PSMD14: variants seen among roughly 807,000 people sequenced by gnomAD.
The protein encoded by PSMD14 is proteasome 26S subunit, non-ATPase 14.
A neutral mutation model predicts 41.2 loss-of-function variants in PSMD14; 7 were observed. The observed-to-expected ratio is 0.17, with a 90% confidence interval of 0.10 to 0.32. The LOEUF is 0.32. PSMD14 is among the 10% of genes least tolerant of loss of function. PSMD14 has a pLI of 1.00. For synonymous variants in PSMD14, 114 were observed against 122.3 expected (o/e 0.93, Z 0.45); for missense variants, 139 against 375.6 (o/e 0.37, Z 5.21).
In PSMD14 at chr2:161,370,173, G is replaced by A; in HGVS notation, c.307G>A (p.Gly103Arg). ...AATGTTGGATATGTTGAAGCAGACA[G>A]GAAGGTAAGCATTTTAAATGATCAG... ...AKMLDMLKQT[G>R]RPEMVVGWYH... The change falls in exon 6 of 12, where the codon GGA (glycine) becomes AGA (arginine). Residue 103 changes from glycine (G) to arginine (R), a missense_variant. Around this residue, in one of 4 missense-constraint regions of PSMD14, gnomAD observed 35 missense variants for 162.9 expected, o/e 0.21. Transcript: ENST00000409682. The A allele has an allele frequency of 6.4e-7, 1 of 1,573,824 alleles. No individual in the cohort carries two copies.
At chr2:161,309,212 A>T (rs1205695555) in intron 1 of PSMD14, among the ~76,000 whole-genome samples, 1 of 152,172 alleles carries the variant, frequency 6.6e-6, no homozygotes, top group Admixed American at 6.5e-5. Flanking sequence ...TTCTCGTTTT[A>T]AGTAAAGTAG....
chr2:161,368,015 T>C, intron 5 of PSMD14, 112 bp downstream of exon 5: 3 of 1,252,812 alleles, frequency 2.4e-6, no homozygotes, highest in Non-Finnish European at 3.2e-6. Context: ...GTAGGAAAAA[T>C]TAATCATAAG....
At chr2:161,331,372 C>T (rs1305692903) in intron 3 of PSMD14, among the ~76,000 whole-genome samples, 1 of 152,038 alleles carries the variant, frequency 6.6e-6, no homozygotes, top group African/African-American at 2.4e-5. Context: ...AAGCGGTTCT[C>T]CTGCCTCAGC....
intron 3 of PSMD14, among the ~76,000 whole-genome samples, chr2:161,331,242 A>G (rs1682784056): frequency 6.6e-6 from 1 of 151,234 alleles, no homozygotes. Context: ...TGTATAGACT[A>G]GATGATGTCT....
At chr2:161,359,457 T>A (rs1230849963) in intron 3 of PSMD14, among the ~76,000 whole-genome samples, 1 of 152,164 alleles carries the variant, frequency 6.6e-6, no homozygotes, top group Non-Finnish European at 1.5e-5. Flanking sequence ...TAACTTAGAT[T>A]TCCCACAGCT....
At chr2:161,334,737 T>C (rs1682842467) in intron 3 of PSMD14, among the ~76,000 whole-genome samples, 1 of 152,270 alleles carries the variant, frequency 6.6e-6, no homozygotes, top group African/African-American at 2.4e-5. Flanking sequence ...CTGATGTGTT[T>C]TCTTTTTTTG....
At chr2:161,393,303 A>G (rs1683740327) in intron 9 of PSMD14, among the ~76,000 whole-genome samples, 1 of 152,170 alleles carries the variant, frequency 6.6e-6, no homozygotes, top group Admixed American at 6.6e-5. Context: ...TTTCCCAAAC[A>G]TGTATTTTCT....
At position 161,395,950 on chromosome 2, in the gene PSMD14, C is replaced by G. The variant is rs1356728490; in HGVS notation, c.771+747C>G. On this transcript the variant is annotated intron_variant, in intron 10 of 11. Transcript: ENST00000409682. ...CAGCTACATTAGCATCACCTAGAAT[C>G]TTGTTAGAAATGCAGACTTTCAGAC... Among the ~76,000 whole-genome samples, 8 of 152,334 alleles carry G rather than the reference C, an allele frequency of 5.3e-5. No homozygotes were observed. In the East Asian group the frequency reaches 1.4e-3, roughly 26 times the overall value.
Position 161,316,311 on chromosome 2 carries a change from T to C in PSMD14, c.-137-126T>C, listed in dbSNP as rs190414888. On this transcript the variant is annotated intron_variant, in intron 1 of 11. Transcript: ENST00000409682. The stretch of plus-strand genomic sequence containing the variant: ...TCATTCTATACTCTCAGAAAAAGAT[T>C]ATTAAAAAACAGTTTTGATTTCTAC... The C allele has an allele frequency of 3.0e-4, 46 of 152,360 alleles. 1 individual carries two copies. The highest frequency in any genetic ancestry group is 1.1e-3 in the African/African-American group (44 of 41,596). The allele number at this position is 152,360 out of a possible 1,614,324, so 9.4% of individuals were successfully genotyped here.
At chr2:161,408,167 T>C (rs1683978531) in intron 10 of PSMD14, 1 of 152,132 alleles carries the variant, frequency 6.6e-6, no homozygotes, top group African/African-American at 2.4e-5. Flanking sequence ...TGGTTTTTAG[T>C]TCAGGTAATT....
At chr2:161,373,416 G>A (rs1380031944) in intron 7 of PSMD14, among the ~76,000 whole-genome samples, 1 of 151,724 alleles carries the variant, frequency 6.6e-6, no homozygotes, top group Non-Finnish European at 1.5e-5. Context: ...TGTCAGTAAT[G>A]CAACTTCATC....
intron 7 of PSMD14, chr2:161,383,051 T>G (rs1268819288): frequency 6.6e-6 from 1 of 151,714 alleles, no homozygotes; most frequent in African/African-American, 2.4e-5. Flanking sequence ...AGGGCTTTTT[T>G]TTTTTTAATC....
intron 3 of PSMD14, among the ~76,000 whole-genome samples, chr2:161,351,117 T>C (rs1683113098): frequency 6.6e-6 from 1 of 152,214 alleles, no homozygotes; most frequent in South Asian, 2.1e-4. Context: ...ATTTTCAGTT[T>C]AAGATAAAAA....
intron 7 of PSMD14, among the ~76,000 whole-genome samples, chr2:161,375,837 G>C (rs1423333921): frequency 6.6e-6 from 1 of 151,790 alleles, no homozygotes; most frequent in African/African-American, 2.4e-5. Flanking sequence ...TTTGAGACGA[G>C]CCTGTGCGAC....
At position 161,341,136 on chromosome 2, in the gene PSMD14, G is replaced by A; in HGVS notation, c.48+22263G>A. 5 of 1,230,186 alleles carry A rather than the reference G, an allele frequency of 4.1e-6. No homozygotes were observed. The South Asian group carries it at 8.5e-5, about 21-fold the overall frequency. The allele number at this position is 1,230,186 out of a possible 1,614,324, so 76.2% of individuals were successfully genotyped here. On this transcript the variant is annotated intron_variant, in intron 3 of 11. Coordinates refer to ENST00000409682, the MANE Select transcript of PSMD14 (RefSeq NM_005805.6). ...CTCCGGCCCCGCGGGCGAGGCCGCC[G>A]GCTCGGGGGCGCAGGGGCGGGACGG...
At chr2:161,391,012 AG>A (rs1683704001) in intron 8 of PSMD14, 91 bp from the exon 9 acceptor site, 1 of 1,156,224 alleles carries the variant, frequency 8.6e-7, no homozygotes, top group South Asian at 2.4e-5. Flanking sequence ...AGGATGGTAC[AG>A]GTATTATGTA....
intron 7 of PSMD14, among the ~76,000 whole-genome samples, chr2:161,375,295 C>T (rs1322250781): frequency 6.6e-6 from 1 of 151,968 alleles, no homozygotes; most frequent in Non-Finnish European, 1.5e-5. Context: ...ACCTACATTG[C>T]ATACTGATAC....
chr2:161,333,600 G>A (rs1461416442), intron 3 of PSMD14, among the ~76,000 whole-genome samples: 2 of 152,240 alleles, frequency 1.3e-5, no homozygotes, highest in African/African-American at 2.4e-5. Flanking sequence ...CAGTGTAAAT[G>A]TTCAAGAAAG....
chr2:161,353,811 T>C (rs1041279361), intron 3 of PSMD14, among the ~76,000 whole-genome samples: 8 of 152,332 alleles, frequency 5.3e-5, no homozygotes, highest in Admixed American at 5.2e-4. Context: ...TCAAGTCTAG[T>C]TGTTGAGTGA....
Sources: gnomAD v4.1 joint callset for allele counts (sites outside exome capture counted in the v4.1 genomes callset) on GRCh38, gnomAD v4.1.1 for gene constraint, gnomAD v4.1.1 regional missense constraint, MANE v1.5 for transcripts, NCBI Gene and HGNC (gene_info 2026-07-23, HGNC 2026-07-21) for gene names.